VDR: variants seen among roughly 807,000 people sequenced by gnomAD.
The protein encoded by VDR is vitamin D3 receptor.
A neutral mutation model predicts 39.7 loss-of-function variants in VDR; 19 were observed. That is an observed-to-expected ratio of 0.48 (90% CI 0.33 to 0.70). The LOEUF (loss-of-function observed/expected upper bound fraction) is 0.70, where lower values mean the gene tolerates loss of function less well. Ranked by LOEUF, VDR falls within the 30% of genes least tolerant of loss-of-function variation. The pLI is 0.02. For missense variants in VDR, 442 were observed against 570.5 expected (o/e 0.77, Z 2.29); for synonymous variants, 242 against 215.8 (o/e 1.12, Z -1.07).
intron 3 of VDR, among the ~76,000 whole-genome samples, chr12:47,868,443 T>A (rs963061830): frequency 6.6e-6 from 1 of 152,218 alleles, no homozygotes; most frequent in Non-Finnish European, 1.5e-5. Context: ...AAGAAAGAAG[T>A]TATACGCCAG....
intron 1 of VDR, among the ~76,000 whole-genome samples, chr12:47,886,077 G>A (rs528702459): frequency 3.3e-5 from 5 of 152,320 alleles, no homozygotes; most frequent in African/African-American, 1.2e-4. Context: ...TGTTGACATT[G>A]TTCCAAAGTT....
intron 2 of VDR, among the ~76,000 whole-genome samples, chr12:47,882,304 C>A (rs1368044969): frequency 1.3e-5 from 2 of 152,196 alleles, no homozygotes; most frequent in South Asian, 4.2e-4. Flanking sequence ...AGCCAGCGCC[C>A]AGGACCAGAG....
intron 1 of VDR, among the ~76,000 whole-genome samples, chr12:47,901,020 C>A (rs1443538309): frequency 1.3e-5 from 2 of 152,188 alleles, no homozygotes; most frequent in Non-Finnish European, 2.9e-5. Flanking sequence ...ACTGCTTCTG[C>A]CTTCCACTCC....
Position 47,841,781 on chromosome 12 carries a change from T to C in VDR, c.*2965A>G, listed in dbSNP as rs1945176437. ...GCCTTCTCTGTTGACCTCGCTTGGA[T>C]TCTCCTACATGCTTCCAGTTAGCCA... On this transcript the variant is annotated 3_prime_UTR_variant, in exon 10 of 10. Coordinates refer to ENST00000549336, the MANE Select transcript of VDR (RefSeq NM_000376.3). The C allele has an allele frequency of 6.6e-6, 1 of 152,388 alleles. No homozygotes were observed. Among genetic ancestry groups the C allele is most frequent in the African/African-American group, 2.4e-5 (1 of 41,466 alleles). The allele number at this position is 152,388 out of a possible 1,614,324, so 9.4% of individuals were successfully genotyped here.
chr12:47,867,439 G>A (rs2137171702), intron 3 of VDR, among the ~76,000 whole-genome samples: 1 of 152,284 alleles, frequency 6.6e-6, no homozygotes, highest in African/African-American at 2.4e-5. Flanking sequence ...GTGCACAAGT[G>A]TGCACATTTA....
intron 2 of VDR, 179 bp downstream of exon 2, chr12:47,882,515 C>A (rs567844117): frequency 5.0e-6 from 3 of 595,102 alleles, no homozygotes; most frequent in Admixed American, 3.2e-5. Flanking sequence ...AACTCCCACC[C>A]GCACCCCACA....
intron 3 of VDR, among the ~76,000 whole-genome samples, chr12:47,868,774 T>G (rs940736407): frequency 1.4e-5 from 2 of 143,886 alleles, no homozygotes; most frequent in Non-Finnish European, 3.1e-5. Flanking sequence ...CCTTTTTTTT[T>G]TTTTTGTTTT....
intron 1 of VDR, chr12:47,904,424 C>T (rs1395587504): frequency 3.7e-6 from 2 of 535,606 alleles, no homozygotes; most frequent in South Asian, 4.4e-5. Context: ...AAAAATAGGG[C>T]CAATTAGGTC....
At position 47,846,653 on chromosome 12, in the gene VDR, A is replaced by G. The variant is rs1247638791; in HGVS notation, c.907+4T>C. 5 of 1,613,464 alleles carry G rather than the reference A, an allele frequency of 3.1e-6. No individual in the cohort carries two copies. The highest frequency in any genetic ancestry group is 4.2e-6 in the Non-Finnish European group (5 of 1,180,034). On this transcript the variant is annotated splice_donor_region_variant and intron_variant, in intron 8 of 9. Coordinates refer to ENST00000549336, the MANE Select transcript of VDR (RefSeq NM_000376.3). Reference sequence around the variant, plus strand: ...ACTCCCCAGGAGGTGGAGTCTAGGCATACCTTTGGTCACGTCACTGACGCG... The same window carrying G: ...ACTCCCCAGGAGGTGGAGTCTAGGCGTACCTTTGGTCACGTCACTGACGCG...
chr12:47,878,422 A>G (rs892881337), intron 3 of VDR, among the ~76,000 whole-genome samples: 7 of 152,206 alleles, frequency 4.6e-5, no homozygotes, highest in African/African-American at 1.4e-4. Flanking sequence ...ATGCAGGTAC[A>G]TTCCTGACAC....
intron 1 of VDR, among the ~76,000 whole-genome samples, chr12:47,884,424 T>C (rs2137217205): frequency 6.6e-6 from 1 of 152,198 alleles, no homozygotes; most frequent in African/African-American, 2.4e-5. Flanking sequence ...AGGCAAGTGG[T>C]GGTTCCTGGG....
chr12:47,869,887 A>T (rs1455338878), intron 3 of VDR, among the ~76,000 whole-genome samples: 1 of 152,226 alleles, frequency 6.6e-6, no homozygotes. Flanking sequence ...ACAAAGTGAG[A>T]TCCTGTCTCT....
intron 6 of VDR, among the ~76,000 whole-genome samples, chr12:47,856,646 A>G (rs1945495404): frequency 6.6e-6 from 1 of 150,694 alleles, no homozygotes; most frequent in Admixed American, 6.6e-5. Flanking sequence ...AAAAGAAAGG[A>G]AGGAAAGCAT....
rs115374221 is a variant in VDR, at chr12:47,885,913, C to A, written c.-83-3139G>T. Among the ~76,000 whole-genome samples the A allele has an allele frequency of 3.7e-3, 556 of 152,286 alleles. 1 individual carries two copies. Among genetic ancestry groups the A allele is most frequent in the African/African-American group, 0.013 (533 of 41,568 alleles). On this transcript the variant is annotated intron_variant, in intron 1 of 9. Coordinates refer to ENST00000549336, the MANE Select transcript of VDR (RefSeq NM_000376.3). ...CCTGATCCCTCATTAGCCAGATGAA[C>A]CACAACATTCATGCCTCAGTGAGTG...
chr12:47,883,036 C>A, intron 1 of VDR: 1 of 433,090 alleles, frequency 2.3e-6, no homozygotes, highest in Non-Finnish European at 4.1e-6. Context: ...CGGCAACCAG[C>A]CCCAGGCAGA....
chr12:47,874,732 C>T (rs1479823297), intron 3 of VDR, among the ~76,000 whole-genome samples: 1 of 152,166 alleles, frequency 6.6e-6, no homozygotes, highest in Admixed American at 6.5e-5. Context: ...CACCATCCAC[C>T]TTCATTCTCT....
In VDR at chr12:47,892,954, A is replaced by T. The variant is rs575486289; in HGVS notation, c.-83-10180T>A. On this transcript the variant is annotated intron_variant, in intron 1 of 9. Transcript: ENST00000549336. ...GCGTAAGGAGCACTCCAGGCAGAGG[A>T]TACTGCACATGCAAAAGCTGAGAGC... Among the ~76,000 whole-genome samples, 4 of 152,340 alleles carry T rather than the reference A, an allele frequency of 2.6e-5. No homozygotes were observed. In the South Asian group the frequency reaches 8.3e-4, roughly 32 times the overall value.
chr12:47,879,464 G>A (rs1946095444), intron 2 of VDR, among the ~76,000 whole-genome samples: 1 of 152,204 alleles, frequency 6.6e-6, no homozygotes, highest in South Asian at 2.1e-4. Context: ...AGGATCATAT[G>A]CATGAACCCA....
chr12:47,851,367 G>A (rs375363338), intron 7 of VDR, among the ~76,000 whole-genome samples: 20 of 152,116 alleles, frequency 1.3e-4, no homozygotes, highest in African/African-American at 4.8e-4. Flanking sequence ...AGAGATGGGA[G>A]GAGAGAGCAG....
Sources: allele counts gnomAD v4.1 joint callset (sites outside exome capture counted in the v4.1 genomes callset), GRCh38; gene constraint gnomAD v4.1.1; transcripts MANE v1.5; gene names NCBI Gene and HGNC (gene_info 2026-07-23, HGNC 2026-07-21).